FBXO34: variants seen among roughly 807,000 people sequenced by gnomAD.
The protein encoded by FBXO34 is F-box only protein 34.
In FBXO34, 12 loss-of-function variants were observed where a neutral mutation model predicts 24.5. The observed-to-expected ratio is 0.49, with a 90% confidence interval of 0.31 to 0.79. The LOEUF (loss-of-function observed/expected upper bound fraction) is 0.79. Among genes scored for constraint, FBXO34 ranks in the 30% least tolerant of loss-of-function variants. The pLI is 0.04. For missense variants in FBXO34, 823 were observed against 857.7 expected (o/e 0.96, Z 0.51); for synonymous variants, 320 against 311.9 (o/e 1.03, Z -0.27).
the FBXO34 span, among the ~76,000 whole-genome samples, chr14:55,431,796 A>C: frequency 1.3e-5 from 2 of 152,206 alleles, no homozygotes; most frequent in African/African-American, 4.8e-5. Flanking sequence ...TGCTCTGTCC[A>C]ATTAATATAA....
chr14:55,380,781 G>A, the FBXO34 span: 1 of 796,606 alleles, frequency 1.3e-6, no homozygotes, highest in Non-Finnish European at 2.0e-6. Flanking sequence ...ATTTTATCAT[G>A]ATAGCACTGT....
intron 1 of FBXO34, among the ~76,000 whole-genome samples, chr14:55,283,982 G>GTGTGTGTGTC (rs1555334942): frequency 6.7e-6 from 1 of 149,832 alleles, no homozygotes; most frequent in African/African-American, 2.5e-5. Flanking sequence ...GTGTCTGTGT[G>GTGTGTGTGTC]TGTGTGTATG....
chr14:55,336,822 T>C (rs1347896761), intron 1 of FBXO34, among the ~76,000 whole-genome samples: 1 of 130,818 alleles, frequency 7.6e-6, no homozygotes. Context: ...TTCCCAGAAA[T>C]GTAAAAAAAA....
the FBXO34 span, among the ~76,000 whole-genome samples, chr14:55,412,853 T>A: frequency 3.9e-4 from 59 of 152,288 alleles, no homozygotes; most frequent in Non-Finnish European, 6.3e-4. Context: ...TCTGCCTCCC[T>A]ACAAACCTGT....
intron 1 of FBXO34, among the ~76,000 whole-genome samples, chr14:55,296,616 T>C (rs1882142424): frequency 6.6e-6 from 1 of 151,990 alleles, no homozygotes; most frequent in South Asian, 2.1e-4. Flanking sequence ...CAGGCTGATC[T>C]TGAACTCCTG....
At chr14:55,331,214 T>G (rs1287159874) in intron 1 of FBXO34, among the ~76,000 whole-genome samples, 1 of 152,286 alleles carries the variant, frequency 6.6e-6, no homozygotes. Flanking sequence ...ATTCCAGTGT[T>G]GCATATTTGG....
At chr14:55,317,521 C>T (rs1882974588) in intron 1 of FBXO34, among the ~76,000 whole-genome samples, 1 of 151,952 alleles carries the variant, frequency 6.6e-6, no homozygotes, top group East Asian at 1.9e-4. Context: ...GTAATAAATA[C>T]TAAAAACTCA....
the FBXO34 span, among the ~76,000 whole-genome samples, chr14:55,440,953 T>C: frequency 6.6e-6 from 1 of 152,178 alleles, no homozygotes; most frequent in Non-Finnish European, 1.5e-5. Context: ...TTCAAGCTAT[T>C]CTCCTGCCTC....
At chr14:55,435,913 G>C in the FBXO34 span, 2 of 1,580,438 alleles carry the variant, frequency 1.3e-6, no homozygotes, top group African/African-American at 1.4e-5. Flanking sequence ...TACAGGCCAG[G>C]TTTACAGTGG....
the FBXO34 span, among the ~76,000 whole-genome samples, chr14:55,428,390 A>C: frequency 6.6e-6 from 1 of 151,762 alleles, no homozygotes; most frequent in Non-Finnish European, 1.5e-5. Flanking sequence ...CGGCCTCCCA[A>C]CACATGCCTT....
At chr14:55,371,560 A>G (rs1884816922), downstream of FBXO34, among the ~76,000 whole-genome samples, 1 of 151,634 alleles carries the variant, frequency 6.6e-6, no homozygotes, top group Non-Finnish European at 1.5e-5. Flanking sequence ...TAATCCCAGC[A>G]CTTTGGGAGG....
At chr14:55,279,140 A>G (rs1211974094) in intron 1 of FBXO34, among the ~76,000 whole-genome samples, 1 of 152,160 alleles carries the variant, frequency 6.6e-6, no homozygotes, top group Non-Finnish European at 1.5e-5. Flanking sequence ...TACAAAAATT[A>G]GCTGGGCATG....
rs1016153733 is a variant in FBXO34, at chr14:55,353,478, C to T, written c.*952C>T. ...CCTGAAAATTAGCATAGAAAACAATCCTTTGTTATATTTTAGTGATCCACA... is the reference window on the plus strand; with the variant it reads ...CCTGAAAATTAGCATAGAAAACAATTCTTTGTTATATTTTAGTGATCCACA... On this transcript the variant is annotated 3_prime_UTR_variant, in exon 2 of 2. Transcript: ENST00000313833. The T allele has an allele frequency of 6.0e-6, 1 of 166,820 alleles. No homozygotes were observed. Among genetic ancestry groups the T allele is most frequent in the African/African-American group, 2.4e-5 (1 of 41,370 alleles). 10.3% of individuals were successfully genotyped at this position (166,820 alleles called of 1,614,324 possible). A position where few individuals can be genotyped will look rare whatever the true frequency, so the allele number is the denominator to read the frequency against.
chr14:55,356,453 GTTTGT>G (rs1884524072), downstream of FBXO34, among the ~76,000 whole-genome samples: 1 of 151,940 alleles, frequency 6.6e-6, no homozygotes, highest in African/African-American at 2.4e-5. Context: ...TCTGGGGTTG[GTTTGT>G]TTGTTTTGAG....
At chr14:55,272,269 C>A (rs905580757) in intron 1 of FBXO34, 4 of 152,216 alleles carry the variant, frequency 2.6e-5, no homozygotes, top group African/African-American at 9.7e-5. Flanking sequence ...GGATTTGAAT[C>A]GAAAGTTGTT....
chr14:55,431,682 T>C, the FBXO34 span, among the ~76,000 whole-genome samples: 30 of 152,272 alleles, frequency 2.0e-4, no homozygotes, highest in East Asian at 5.6e-3. Flanking sequence ...TAAAAACAGA[T>C]TGGGGGAAAT....
chr14:55,433,971 T>C, the FBXO34 span, among the ~76,000 whole-genome samples: 1 of 152,238 alleles, frequency 6.6e-6, no homozygotes, highest in African/African-American at 2.4e-5. Context: ...TTTATTCTCA[T>C]GATAGGATGA....
chr14:55,298,721 G>A lies in FBXO34; in HGVS notation c.-11+27184G>A. The A allele has an allele frequency of 3.8e-6, 6 of 1,569,848 alleles. No individual in the cohort carries two copies. In the South Asian group the frequency reaches 5.6e-5, roughly 15 times the overall value. ...AGGCCATCCAGCGGCTGCGGGACAC[G>A]GAGGAGATGTTAAGCAAGAAACAGG... On this transcript the variant is annotated intron_variant, in intron 1 of 1. Coordinates refer to ENST00000313833, the MANE Select transcript of FBXO34 (RefSeq NM_017943.4).
rs1431484419 is a variant in FBXO34, at chr14:55,302,046, A to G, written c.-11+30509A>G. Among the ~76,000 whole-genome samples the G allele has an allele frequency of 2.0e-5, 3 of 152,132 alleles. No homozygotes were observed. The East Asian group carries it at 5.8e-4, about 29-fold the overall frequency. On this transcript the variant is annotated intron_variant, in intron 1 of 1. Transcript: ENST00000313833. The stretch of plus-strand genomic sequence containing the variant: ...TAGGGAACTGGGACCAAATAAGGAG[A>G]CTCTCCAAAAGATGCAAATGTAGCT...
Sources: gnomAD v4.1 joint callset for allele counts (sites outside exome capture counted in the v4.1 genomes callset) on GRCh38, gnomAD v4.1.1 for gene constraint, MANE v1.5 for transcripts, NCBI Gene and HGNC (gene_info 2026-07-23, HGNC 2026-07-21) for gene names.